The following TAFA5 variants were observed in gnomAD, a reference collection of about 807,000 sequenced individuals.
TAFA5 encodes chemokine-like protein TAFA-5.
Under a neutral mutation model 15.3 loss-of-function variants are expected in TAFA5, and 6 were observed. That is an observed-to-expected ratio of 0.39 (90% confidence interval 0.21 to 0.77). The LOEUF is 0.77. TAFA5 is among the 30% of genes least tolerant of loss of function. The probability of loss-of-function intolerance (pLI) is 0.41; values close to 1 mark genes in which losing one functional copy is unlikely to be tolerated. For missense variants in TAFA5, 161 were observed against 193.1 expected (o/e 0.83, Z 0.98); for synonymous variants, 103 against 80.7 (o/e 1.28, Z -1.48).
At chr22:48,667,294 G>A (rs1349326821) in intron 2 of TAFA5, among the ~76,000 whole-genome samples, 1 of 152,084 alleles carries the variant, frequency 6.6e-6, no homozygotes, top group Admixed American at 6.5e-5. Context: ...ACCTAACGGT[G>A]TGATGATTTA....
intron 1 of TAFA5, 135 bp from the exon 2 acceptor site, chr22:48,646,462 C>A: frequency 8.8e-7 from 1 of 1,131,506 alleles, no homozygotes; most frequent in Non-Finnish European, 1.2e-6. Context: ...TTCGGACGCT[C>A]CCTCTGAGTG....
intron 3 of TAFA5, among the ~76,000 whole-genome samples, chr22:48,716,277 A>G (rs751544060): frequency 1.3e-5 from 2 of 152,244 alleles, no homozygotes; most frequent in Non-Finnish European, 2.9e-5. Context: ...CCAAATGCCC[A>G]TCAATGATAG....
chr22:48,661,404 C>T (rs6010481), intron 2 of TAFA5, among the ~76,000 whole-genome samples: 43,672 of 152,168 alleles, frequency 0.29, 6,804 homozygotes, highest in African/African-American at 0.41. Context: ...CCGCAGAACT[C>T]GCCCCGATGA....
At chr22:48,519,367 C>T (rs920177767) in intron 1 of TAFA5, among the ~76,000 whole-genome samples, 4 of 152,246 alleles carry the variant, frequency 2.6e-5, no homozygotes, top group Non-Finnish European at 5.9e-5. Context: ...ATCGCGCAAT[C>T]GCGTAGTCGC....
At chr22:48,707,628 C>T in intron 2 of TAFA5, 89 bp from the exon 3 acceptor site, 3 of 1,495,838 alleles carry the variant, frequency 2.0e-6, no homozygotes, top group South Asian at 2.6e-5. Context: ...AGGGCCCCCC[C>T]AGCCAGTGCC....
intron 1 of TAFA5, among the ~76,000 whole-genome samples, chr22:48,619,629 C>T (rs1471047328): frequency 3.9e-5 from 6 of 152,198 alleles, no homozygotes; most frequent in Admixed American, 2.6e-4. Context: ...GCTGAGATTA[C>T]AAGTGTGAGA....
chr22:48,714,817 G>T lies in TAFA5; in HGVS notation c.390+6973G>T, dbSNP rs73891732. Among the ~76,000 whole-genome samples, 534 of 152,340 alleles carry T rather than the reference G, an allele frequency of 3.5e-3. 7 individuals carry two copies. The highest frequency in any genetic ancestry group is 0.012 in the African/African-American group (502 of 41,584). On this transcript the variant is annotated intron_variant, in intron 3 of 3. Transcript: ENST00000402357. Reference sequence around the variant, plus strand: ...AGGTCCTGAAGGCCAGGAGGTCCAAGATCAAGTGGTCAGGGCCCTGCTGTC... The same window carrying T: ...AGGTCCTGAAGGCCAGGAGGTCCAATATCAAGTGGTCAGGGCCCTGCTGTC...
intron 3 of TAFA5, among the ~76,000 whole-genome samples, chr22:48,721,425 C>A (rs1288014718): frequency 6.6e-6 from 1 of 152,238 alleles, no homozygotes; most frequent in Non-Finnish European, 1.5e-5. Context: ...CAGGTCCTCA[C>A]CAGAGCCGTT....
intron 1 of TAFA5, among the ~76,000 whole-genome samples, chr22:48,510,952 C>A (rs1220825233): frequency 6.6e-6 from 1 of 152,374 alleles, no homozygotes; most frequent in African/African-American, 2.4e-5. Context: ...AGATTTCTCA[C>A]CCCTTCCTTG....
At chr22:48,741,688 T>G (rs1449205338) in intron 3 of TAFA5, among the ~76,000 whole-genome samples, 3 of 151,880 alleles carry the variant, frequency 2.0e-5, no homozygotes, top group Non-Finnish European at 4.4e-5. Context: ...CTGTGCAGAC[T>G]CAGAGATGCC....
At chr22:48,658,392 C>T (rs943863448) in intron 2 of TAFA5, among the ~76,000 whole-genome samples, 1 of 152,262 alleles carries the variant, frequency 6.6e-6, no homozygotes. Context: ...TGGATGTGCA[C>T]AGCCCATGGG....
Position 48,669,001 on chromosome 22 carries a change from G to A in TAFA5, c.262+22255G>A, listed in dbSNP as rs1019146557. Among the ~76,000 whole-genome samples the A allele has an allele frequency of 7.9e-5, 12 of 152,228 alleles. No homozygotes were observed. The East Asian group carries it at 1.7e-3, about 22-fold the overall frequency. ...CCTCACCCTCGAGGTGATGGTATTTGGGAGGTGAGTAGCTGGTGAGAGGGG... is the reference window on the plus strand; with the variant it reads ...CCTCACCCTCGAGGTGATGGTATTTAGGAGGTGAGTAGCTGGTGAGAGGGG... On this transcript the variant is annotated intron_variant, in intron 2 of 3. Transcript: ENST00000402357.
intron 1 of TAFA5, among the ~76,000 whole-genome samples, chr22:48,628,398 C>T (rs1014012430): frequency 2.0e-5 from 3 of 152,218 alleles, no homozygotes; most frequent in Non-Finnish European, 4.4e-5. Flanking sequence ...CTTCTGCCCT[C>T]CCCTGCTGGG....
At chr22:48,631,065 G>A (rs979252163) in intron 1 of TAFA5, among the ~76,000 whole-genome samples, 7 of 152,260 alleles carry the variant, frequency 4.6e-5, no homozygotes, top group Admixed American at 1.3e-4. Context: ...GTGGCTCCCC[G>A]CCCTGTCCTT....
rs554882474 is a variant in TAFA5 at position 48,524,867 on chromosome 22, G to T, written c.112+35163G>T. Among the ~76,000 whole-genome samples the T allele has an allele frequency of 7.9e-5, 12 of 152,280 alleles. No homozygotes were observed. In the South Asian group the frequency reaches 2.3e-3, roughly 29 times the overall value. On this transcript the variant is annotated intron_variant, in intron 1 of 3. Coordinates refer to ENST00000402357, the MANE Select transcript of TAFA5 (RefSeq NM_001082967.3). ...ACTGGCAGGACCTTCTGCACCCAGGGCGTTCCTTCCTGTCCCAGGCTCCTG... is the reference window on the plus strand; with the variant it reads ...ACTGGCAGGACCTTCTGCACCCAGGTCGTTCCTTCCTGTCCCAGGCTCCTG...
intron 1 of TAFA5, among the ~76,000 whole-genome samples, chr22:48,612,872 C>G (rs1031292188): frequency 6.6e-6 from 1 of 152,142 alleles, no homozygotes; most frequent in Non-Finnish European, 1.5e-5. Context: ...GAGCCACGGC[C>G]GACTGGTCAT....
chr22:48,631,025 G>C (rs1926206610), intron 1 of TAFA5, among the ~76,000 whole-genome samples: 1 of 152,190 alleles, frequency 6.6e-6, no homozygotes, highest in African/African-American at 2.4e-5. Flanking sequence ...ATGCAGCGTG[G>C]AGTCCCTGCA....
chr22:48,616,234 C>G (rs1925598869), intron 1 of TAFA5, among the ~76,000 whole-genome samples: 1 of 152,088 alleles, frequency 6.6e-6, no homozygotes, highest in African/African-American at 2.4e-5. Flanking sequence ...GCGCTGCAGG[C>G]TTTGAATGGG....
intron 1 of TAFA5, among the ~76,000 whole-genome samples, chr22:48,496,501 C>T (rs1329261875): frequency 2.0e-5 from 3 of 152,142 alleles, no homozygotes; most frequent in African/African-American, 7.2e-5. Context: ...TGTGGAAACC[C>T]TTCTATACAA....
Sources: gnomAD v4.1 joint callset for allele counts (sites outside exome capture counted in the v4.1 genomes callset) on GRCh38, gnomAD v4.1.1 for gene constraint, MANE v1.5 for transcripts, NCBI Gene and HGNC (gene_info 2026-07-23, HGNC 2026-07-21) for gene names.